Variants in LMNTD2 observed in about 807,000 individuals in gnomAD.
LMNTD2 encodes the protein lamin tail domain-containing protein 2.
In LMNTD2, 83 loss-of-function variants were observed where a neutral mutation model predicts 70.1. The observed-to-expected ratio is 1.18, with a 90% confidence interval of 0.99 to 1.42. The LOEUF (loss-of-function observed/expected upper bound fraction) is 1.42, where lower values mean the gene tolerates loss of function less well. Among genes scored for constraint, LMNTD2 ranks in the 40% most tolerant of loss-of-function variants. The probability of loss-of-function intolerance (pLI) is 0.00; values close to 1 mark genes in which losing one functional copy is unlikely to be tolerated. For synonymous variants in LMNTD2, 534 were observed against 406.1 expected (o/e 1.31, Z -3.79); for missense variants, 1,153 against 905.9 (o/e 1.27, Z -3.50).
chr11:558,333 G>C, intron 3 of LMNTD2, 85 bp from the exon 4 acceptor site: 1 of 1,451,370 alleles, frequency 6.9e-7, no homozygotes, highest in Non-Finnish European at 9.4e-7. Context: ...AGGGGAGAAG[G>C]AGGGGCTCCA....
chr11:556,451 C>A, intron 9 of LMNTD2, 41 bp downstream of exon 9: 1 of 1,548,560 alleles, frequency 6.5e-7, no homozygotes, highest in Non-Finnish European at 8.7e-7. Context: ...CGGAAACCAG[C>A]TCCAGTCCGG....
At position 555,460 on chromosome 11, in the gene LMNTD2, G is replaced by A; in HGVS notation, c.1618C>T (p.His540Tyr). 1 of 1,381,328 alleles carries A rather than the reference G, an allele frequency of 7.2e-7. No homozygotes were observed. Among genetic ancestry groups the A allele is most frequent in the Non-Finnish European group, 9.3e-7 (1 of 1,073,972 alleles). The allele number at this position is 1,381,328 out of a possible 1,614,324, so 85.6% of individuals were successfully genotyped here. A position where few individuals can be genotyped will look rare whatever the true frequency, so the allele number is the denominator to read the frequency against. Residue 540 changes from histidine (H) to tyrosine (Y), a missense_variant, in exon 13 of 14, where the codon CAC becomes TAC. Transcript: ENST00000329451. Reference protein sequence around the residue: ...LPPVSSGKLFHAREGPARPEN... With the variant: ...LPPVSSGKLFYAREGPARPEN... ...GGCCGCGCAGGCCCCTCCCGCGCGTGGAAGAGCTTCCCCGAGCTCACTGGG... is the reference window on the plus strand; with the variant it reads ...GGCCGCGCAGGCCCCTCCCGCGCGTAGAAGAGCTTCCCCGAGCTCACTGGG...
In LMNTD2 at chr11:555,320, T is replaced by C; in HGVS notation, c.1758A>G (p.Lys586=). The C allele has an allele frequency of 2.1e-6, 3 of 1,419,378 alleles. No homozygotes were observed. In the Admixed American group the frequency reaches 9.0e-5, roughly 42 times the overall value. The allele number at this position is 1,419,378 out of a possible 1,614,324, so 87.9% of individuals were successfully genotyped here. ...GCGCACTCACCCGAACTCGGTGTTCTTTCTGGAGCCGACAGTCCTCCAGGC... is the reference window on the plus strand; with the variant it reads ...GCGCACTCACCCGAACTCGGTGTTCCTTCTGGAGCCGACAGTCCTCCAGGC... The part of the protein sequence containing the change: ...GLGLEDCRLQ[K]EHRVRVCRKS... The change falls in exon 13 of 14, where the codon AAA becomes AAG. Residue 586 remains lysine (K), a synonymous_variant. Transcript: ENST00000329451.
At position 558,146 on chromosome 11, in the gene LMNTD2, G is replaced by A. The variant is rs1324579456; in HGVS notation, c.399+15C>T. On this transcript the variant is annotated intron_variant, in intron 4 of 13. Coordinates refer to ENST00000329451, the MANE Select transcript of LMNTD2 (RefSeq NM_173573.3). ...AACACCAGGACCCTGCCCACTCCCT[G>A]TGCCCCTGCCTCACCCACTGGGCTC... 1.1e-5 allele frequency: 17 copies of A among 1,612,724 alleles called. No homozygotes were observed. Among genetic ancestry groups the A allele is most frequent in the Non-Finnish European group, 1.2e-5 (14 of 1,179,706 alleles).
intron 13 of LMNTD2, 39 bp downstream of exon 13, chr11:555,266 G>C: frequency 3.0e-6 from 4 of 1,339,038 alleles, no homozygotes; most frequent in Non-Finnish European, 3.8e-6. Context: ...GGAGAACGAG[G>C]AGGGAGAGGA....
At chr11:556,667 C>A in intron 8 of LMNTD2, 79 bp from the exon 9 acceptor site, 1 of 1,413,146 alleles carries the variant, frequency 7.1e-7, no homozygotes, top group Non-Finnish European at 9.3e-7. Flanking sequence ...TCAGAACAGG[C>A]CTGCAACGCC....
intron 13 of LMNTD2, 52 bp from the exon 14 acceptor site, chr11:555,163 G>GGAGGGGAGGGGAGGA (rs1852728488): frequency 4.9e-6 from 3 of 617,124 alleles, no homozygotes; most frequent in African/African-American, 2.2e-5. Flanking sequence ...GGACGGGAGG[G>GGAGGGGAGGGGAGGA]GAGGGGAGGG....
chr11:558,747 C>T lies in LMNTD2; in HGVS notation c.178G>A (p.Asp60Asn), dbSNP rs535898670. The change falls in exon 3 of 14, where the codon GAC (aspartate) becomes AAC (asparagine). Residue 60 changes from aspartate (D) to asparagine (N), a missense_variant. Physicochemically the swap from Asp to Asn is conservative, Grantham distance 23 (BLOSUM62 1). Transcript: ENST00000329451. ...CACAGCAGCCGCAGTGTGCGAGGGT[C>T]CAGGGACTCAAGAGCCAACCTGCAG... is the stretch of plus-strand genomic sequence containing the variant. ...ADPQLALESL[D>N]PRTLRLLWRQ... 3.1e-6 allele frequency: 5 copies of T among 1,607,234 alleles called. No individual in the cohort carries two copies. Among genetic ancestry groups the T allele is most frequent in the African/African-American group, 1.3e-5 (1 of 74,958 alleles).
In LMNTD2 at chr11:555,170, A is replaced by AGGGGAGGGGAGGAGAGCGGAGGGGC. The variant is rs1852734035; in HGVS notation, c.1774-60_1774-59insGCCCCTCCGCTCTCCTCCCCTCCCC. 8 of 202,218 alleles carry AGGGGAGGGGAGGAGAGCGGAGGGGC rather than the reference A, an allele frequency of 4.0e-5. No homozygotes were observed. In the African/African-American group the frequency reaches 5.0e-4, roughly 13 times the overall value. The allele number at this position is 202,218 out of a possible 1,614,324, so 12.5% of individuals were successfully genotyped here. ...CGGGGCGGGGACGGGAGGGGAGGGG[A>AGGGGAGGGGAGGAGAGCGGAGGGGC]GGGGAGGAGAGGGGAGGGGCGGGGA... On this transcript the variant is annotated intron_variant, in intron 13 of 13. Coordinates refer to ENST00000329451, the MANE Select transcript of LMNTD2 (RefSeq NM_173573.3).
In LMNTD2 at chr11:559,589, T is replaced by C. The variant is rs144341405; in HGVS notation, c.35-610A>G. ...CCCTGAGGGAGGCCCCAGCATCCCC[T>C]ACCTAGCCTGGCAGCAGCAGCGGGA... On this transcript the variant is annotated intron_variant, in intron 1 of 13. Coordinates refer to ENST00000329451, the MANE Select transcript of LMNTD2 (RefSeq NM_173573.3). 878 of 1,186,212 alleles carry C rather than the reference T, an allele frequency of 7.4e-4. 4 individuals are homozygous for C. The African/African-American group carries it at 0.013, about 17-fold the overall frequency. 73.5% of individuals were successfully genotyped at this position (1,186,212 alleles called of 1,614,324 possible). A position where few individuals can be genotyped will look rare whatever the true frequency, so the allele number is the denominator to read the frequency against.
Position 555,834 on chromosome 11 carries a change from CAG to C in LMNTD2, c.1472_1473del (p.Pro491ArgfsTer74), listed in dbSNP as rs1434012563. ...CGGGTGTCGGCGCCGGGCCCGGCCT[CAG>C]GGAGCGGGAAGCGGTCGATGGACAA... ...TDLSIDRFPLPEAGPGADTRK... is the reference protein window; with the variant it reads ...TDLSIDRFPLXEAGPGADTRK... On this transcript the variant is annotated frameshift_variant, in exon 12 of 14. Transcript: ENST00000329451. LOFTEE classifies it high-confidence loss of function. The C allele has an allele frequency of 1.3e-6, 2 of 1,548,852 alleles. No individual in the cohort carries two copies. Among genetic ancestry groups the C allele is most frequent in the Non-Finnish European group, 1.7e-6 (2 of 1,155,754 alleles).
Position 556,892 on chromosome 11 carries a change from G to C in LMNTD2, c.919C>G (p.Arg307Gly), listed in dbSNP as rs1441636032. Residue 307 changes from arginine (R) to glycine (G), a missense_variant, in exon 8 of 14, where the codon CGC becomes GGC. Arg to Gly is a moderately radical substitution (Grantham distance 125). Transcript: ENST00000329451. ...QVIGHPPRDH[R>G]ASSEQALVQA... is the part of the protein sequence containing the mutation. ...ACCAGCGCTTGCTCGGAGGAAGCGCGGTGGTCCCGGGGCGGGTGCCCTATC... is the reference window on the plus strand; with the variant it reads ...ACCAGCGCTTGCTCGGAGGAAGCGCCGTGGTCCCGGGGCGGGTGCCCTATC... The C allele has an allele frequency of 1.3e-6, 2 of 1,595,786 alleles. No homozygotes were observed. The highest frequency in any genetic ancestry group is 1.1e-5 in the South Asian group (1 of 88,952).
Position 555,931 on chromosome 11 carries a change from C to T in LMNTD2, c.1378-1G>A, listed in dbSNP as rs780397767. The T allele has an allele frequency of 7.1e-6, 11 of 1,558,568 alleles. No individual in the cohort carries two copies. In the Admixed American group the frequency reaches 7.6e-5, roughly 11 times the overall value. On this transcript the variant is annotated splice_acceptor_variant, in intron 11 of 13. Transcript: ENST00000329451. LOFTEE classifies it high-confidence loss of function. The stretch of plus-strand genomic sequence containing the variant: ...GTGGGATCCGGTGCTCACTGAGGAC[C>T]TGCGGGGCGCGTCGGTCACCCCCAC...
intron 5 of LMNTD2, 121 bp downstream of exon 5, chr11:557,763 A>G: frequency 6.4e-7 from 1 of 1,557,036 alleles, no homozygotes; most frequent in East Asian, 2.3e-5. Context: ...CCAGAGTTCC[A>G]GAGGCACCTG....
Position 555,050 on chromosome 11 carries a change from G to T in LMNTD2, c.1835C>A (p.Ala612Glu). The T allele has an allele frequency of 6.3e-7, 1 of 1,593,010 alleles. No homozygotes were observed. The highest frequency in any genetic ancestry group is 1.9e-4 in the Middle Eastern group (1 of 5,256). ...PLVALSVQNT[A>E]ESRFGFRFLS... ...GAAGCGGAAGCCGAATCTGCTCTCC[G>T]CCGTGTTCTGCACCGACAGGGCCAC... Residue 612 changes from alanine to glutamate, a missense_variant, in exon 14 of 14, where the codon GCG becomes GAG. Coordinates refer to ENST00000329451, the MANE Select transcript of LMNTD2 (RefSeq NM_173573.3).
chr11:557,162 C>A, intron 7 of LMNTD2, 65 bp from the exon 8 acceptor site: 1 of 1,500,938 alleles, frequency 6.7e-7, no homozygotes, highest in South Asian at 1.3e-5. Context: ...CCCGTCCAGC[C>A]TCACAAGGCA....
chr11:559,658 C>T (rs1853153799), intron 1 of LMNTD2: 3 of 1,175,748 alleles, frequency 2.6e-6, no homozygotes, highest in Non-Finnish European at 3.2e-6. Flanking sequence ...CCAGCATAGC[C>T]ATGGGTGTGT....
Position 555,944 on chromosome 11 carries a change from C to G in LMNTD2, c.1378-14G>C, listed in dbSNP as rs1385552798. The G allele has an allele frequency of 3.9e-6, 6 of 1,555,278 alleles. No homozygotes were observed. The South Asian group carries it at 7.0e-5, about 18-fold the overall frequency. On this transcript the variant is annotated splice_polypyrimidine_tract_variant and intron_variant, in intron 11 of 13. Coordinates refer to ENST00000329451, the MANE Select transcript of LMNTD2 (RefSeq NM_173573.3). ...CTCACTGAGGACCTGCGGGGCGCGT[C>G]GGTCACCCCCACACCCCAGCCCCGG...
At chr11:556,784 G>C in intron 8 of LMNTD2, 51 bp downstream of exon 8, 4 of 1,496,066 alleles carry the variant, frequency 2.7e-6, no homozygotes, top group Non-Finnish European at 2.7e-6. Context: ...ACAGCTCTGA[G>C]GGGGTGGAGG....
Sources: gnomAD v4.1 joint callset for allele counts on GRCh38, gnomAD v4.1.1 for gene constraint, MANE v1.5 for transcripts, NCBI Gene and HGNC (gene_info 2026-07-23, HGNC 2026-07-21) for gene names.